TMEM236: variants seen among roughly 807,000 people sequenced by gnomAD.
The protein encoded by TMEM236 is family with sequence similarity 23, member A.
A neutral mutation model predicts 14.7 loss-of-function variants in TMEM236; 11 were observed. The observed-to-expected ratio is 0.75, with a 90% confidence interval of 0.47 to 1.24. The LOEUF is 1.24. Among genes scored for constraint, TMEM236 ranks in the 50% most tolerant of loss-of-function variants. The probability of loss-of-function intolerance (pLI) is 0.00; values close to 1 mark genes in which losing one functional copy is unlikely to be tolerated. For synonymous variants in TMEM236, 182 were observed against 168.6 expected, an observed-to-expected ratio of 1.08 and a Z score of -0.62; for missense variants, 464 against 427.3, an observed-to-expected ratio of 1.09 and a Z score of -0.76.
chr10:17,763,717 T>C (rs1208818575), intron 1 of TMEM236, among the ~76,000 whole-genome samples: 1 of 152,152 alleles, frequency 6.6e-6, no homozygotes, highest in African/African-American at 2.4e-5. Context: ...AATGAGTTGA[T>C]ATAGTGAATT....
In TMEM236 at chr10:17,796,486, T is replaced by G. The variant is rs1838017392; in HGVS notation, c.1038T>G (p.Phe346Leu). The G allele has an allele frequency of 6.2e-7, 1 of 1,612,760 alleles. No individual in the cohort carries two copies. Among genetic ancestry groups the G allele is most frequent in the African/African-American group, 1.3e-5 (1 of 74,850 alleles). The change falls in exon 4 of 4, where the codon TTT becomes TTG. Residue 346 changes from phenylalanine to leucine, a missense_variant. Physicochemically the swap from Phe to Leu is conservative, Grantham distance 22. Coordinates refer to ENST00000377495, the MANE Select transcript of TMEM236 (RefSeq NM_001098844.3). Reference protein sequence around the residue: ...YLTRIRIFSAFEMSPF With the variant: ...YLTRIRIFSALEMSPF ...CCAGAATCAGGATTTTTTCTGCCTT[T>G]GAAATGTCTCCATTTTAAAAAGGAA...
chr10:17,754,126 C>T (rs1837248955), intron 1 of TMEM236, among the ~76,000 whole-genome samples: 1 of 152,158 alleles, frequency 6.6e-6, no homozygotes, highest in Non-Finnish European at 1.5e-5. Context: ...TTCTCCTGGA[C>T]ACTAAATTAC....
intron 1 of TMEM236, among the ~76,000 whole-genome samples, chr10:17,756,733 C>T (rs989508493): frequency 1.3e-5 from 2 of 152,222 alleles, no homozygotes; most frequent in Non-Finnish European, 2.9e-5. Context: ...CTACCTGACT[C>T]CATAATGGGT....
chr10:17,770,817 G>A (rs1475490331), intron 1 of TMEM236, among the ~76,000 whole-genome samples: 1 of 151,912 alleles, frequency 6.6e-6, no homozygotes, highest in Non-Finnish European at 1.5e-5. Flanking sequence ...ATTTTTATGT[G>A]TGTATGGTTT....
chr10:17,786,042 C>G (rs1374335234), intron 3 of TMEM236, among the ~76,000 whole-genome samples: 1 of 151,990 alleles, frequency 6.6e-6, no homozygotes, highest in African/African-American at 2.4e-5. Context: ...ATCTTGACAG[C>G]TTTATATGAT....
chr10:17,762,904 C>T (rs1038825527), intron 1 of TMEM236, among the ~76,000 whole-genome samples: 58 of 150,780 alleles, frequency 3.8e-4, no homozygotes, highest in African/African-American at 1.2e-3. Flanking sequence ...CCATCTGCCT[C>T]GGCCTCCCAA....
intron 3 of TMEM236, among the ~76,000 whole-genome samples, chr10:17,791,821 T>C (rs1165215684): frequency 6.6e-6 from 1 of 152,204 alleles, no homozygotes; most frequent in Non-Finnish European, 1.5e-5. Flanking sequence ...GAATTTACTT[T>C]CCTTTAAAGC....
intron 3 of TMEM236, among the ~76,000 whole-genome samples, chr10:17,782,721 G>T (rs1213760783): frequency 1.3e-5 from 2 of 152,038 alleles, no homozygotes; most frequent in Non-Finnish European, 2.9e-5. Context: ...AAAGTGCTGG[G>T]ATTACAGGTG....
chr10:17,767,848 A>G (rs1419784720), intron 1 of TMEM236, among the ~76,000 whole-genome samples: 1 of 151,820 alleles, frequency 6.6e-6, no homozygotes, highest in Non-Finnish European at 1.5e-5. Flanking sequence ...TATATGGTTT[A>G]TGATCTTCAC....
At chr10:17,764,837 C>T (rs1284909353) in intron 1 of TMEM236, among the ~76,000 whole-genome samples, 9 of 127,390 alleles carry the variant, frequency 7.1e-5, no homozygotes, top group South Asian at 2.7e-4. Flanking sequence ...CAGATTTTCC[C>T]TTTTTTTTTT....
At position 17,764,283 on chromosome 10, in the gene TMEM236, G is replaced by A. The variant is rs978884740; in HGVS notation, c.258-7026G>A. 6.6e-5 allele frequency among the ~76,000 whole-genome samples: 10 copies of A among 152,200 alleles called. No individual in the cohort carries two copies. The South Asian group carries it at 1.7e-3, about 25-fold the overall frequency. ...TGTGGCTGAGCTTACTGAGTTCATC[G>A]TTAATAGGTCCCATTCCTAGGAGGG... On this transcript the variant is annotated intron_variant, in intron 1 of 3. Coordinates refer to ENST00000377495, the MANE Select transcript of TMEM236 (RefSeq NM_001098844.3).
intron 3 of TMEM236, among the ~76,000 whole-genome samples, chr10:17,787,336 C>T (rs1042143102): frequency 6.6e-6 from 1 of 152,230 alleles, no homozygotes; most frequent in African/African-American, 2.4e-5. Context: ...TGCCGGTCCC[C>T]AGCCTGTGCT....
intron 1 of TMEM236, among the ~76,000 whole-genome samples, chr10:17,755,995 A>G (rs1327824984): frequency 1.3e-5 from 2 of 152,232 alleles, no homozygotes; most frequent in Admixed American, 1.3e-4. Flanking sequence ...GGCCAGGCAC[A>G]GTGGCTTACA....
chr10:17,792,677 G>T (rs927540857), intron 3 of TMEM236, among the ~76,000 whole-genome samples: 33 of 152,324 alleles, frequency 2.2e-4, no homozygotes, highest in African/African-American at 7.7e-4. Flanking sequence ...AGAATCAGAT[G>T]TGGGAAACTA....
intron 1 of TMEM236, among the ~76,000 whole-genome samples, chr10:17,769,868 A>G (rs1837539291): frequency 1.3e-5 from 2 of 152,176 alleles, no homozygotes; most frequent in South Asian, 4.2e-4. Context: ...CAGGAGGTAC[A>G]TGTGCATGTT....
chr10:17,770,832 TG>T (rs1554834750), intron 1 of TMEM236, among the ~76,000 whole-genome samples: 2 of 150,328 alleles, frequency 1.3e-5, no homozygotes, highest in African/African-American at 2.4e-5. Flanking sequence ...TGGTTTTTTT[TG>T]GTTCTAGTAA....
At chr10:17,754,192 A>T (rs1837249809) in intron 1 of TMEM236, among the ~76,000 whole-genome samples, 2 of 152,248 alleles carry the variant, frequency 1.3e-5, no homozygotes, top group Non-Finnish European at 2.9e-5. Context: ...GTAATGTAGA[A>T]TTTTAATTTT....
At chr10:17,794,716 C>T (rs1219636684) in intron 3 of TMEM236, among the ~76,000 whole-genome samples, 1 of 152,166 alleles carries the variant, frequency 6.6e-6, no homozygotes, top group Non-Finnish European at 1.5e-5. Flanking sequence ...GCATGTCACT[C>T]TTCACTATGA....
Position 17,799,349 on chromosome 10 carries a change from G to A in TMEM236, c.*2845G>A, listed in dbSNP as rs1838061810. 1 of 152,366 alleles carries A rather than the reference G, an allele frequency of 6.6e-6. No individual in the cohort carries two copies. Among genetic ancestry groups the A allele is most frequent in the South Asian group, 2.1e-4 (1 of 4,834 alleles). 9.4% of individuals were successfully genotyped at this position (152,366 alleles called of 1,614,324 possible). On this transcript the variant is annotated 3_prime_UTR_variant, in exon 4 of 4. Coordinates refer to ENST00000377495, the MANE Select transcript of TMEM236 (RefSeq NM_001098844.3). ...CAGCGCAGTGCCTCAAGTGCCAACA[G>A]TTTCGGAGGCCTTGGCAGGCGGATC...
Sources: gnomAD v4.1 joint callset for allele counts (sites outside exome capture counted in the v4.1 genomes callset) on GRCh38, gnomAD v4.1.1 for gene constraint, MANE v1.5 for transcripts, NCBI Gene and HGNC (gene_info 2026-07-23, HGNC 2026-07-21) for gene names.